SIN3B: variants seen among roughly 807,000 people sequenced by gnomAD.
SIN3B encodes the protein SIN3 transcription regulator family member B, also known as paired amphipathic helix protein Sin3b.
In SIN3B, 19 loss-of-function variants were observed where a neutral mutation model predicts 120.2. The observed-to-expected ratio is 0.16, with a 90% CI of 0.11 to 0.23. SIN3B has a LOEUF of 0.23. Among genes scored for constraint, SIN3B ranks in the 10% least tolerant of loss-of-function variants. SIN3B has a pLI of 1.00. For missense variants in SIN3B, 1,073 were observed against 1,573.0 expected, an observed-to-expected ratio of 0.68 and a Z score of 5.38; for synonymous variants, 654 against 653.2, an observed-to-expected ratio of 1.00 and a Z score of -0.02.
intron 3 of SIN3B, among the ~76,000 whole-genome samples, chr19:16,839,444 G>A (rs1489409825): frequency 6.6e-6 from 1 of 152,164 alleles, no homozygotes; most frequent in East Asian, 1.9e-4. Flanking sequence ...CCAAGCCCTG[G>A]TCTAGAGCGT....
chr19:16,831,490 C>T lies in SIN3B; in HGVS notation c.228-4C>T. Reference sequence around the variant, plus strand: ...CTTTTGCCCACTTCCGTTGTTTCTTCTAGCATCGATACTCCTGGAGTCATC... The same window carrying T: ...CTTTTGCCCACTTCCGTTGTTTCTTTTAGCATCGATACTCCTGGAGTCATC... On this transcript the variant is annotated splice_polypyrimidine_tract_variant and splice_region_variant and intron_variant, in intron 2 of 18. Transcript: ENST00000248054. 6.2e-7 allele frequency: 1 copy of T among 1,613,176 alleles called. No individual in the cohort carries two copies. The highest frequency in any genetic ancestry group is 8.5e-7 in the Non-Finnish European group (1 of 1,179,536).
intron 13 of SIN3B, among the ~76,000 whole-genome samples, 158 bp from the exon 14 acceptor site, chr19:16,871,071 C>T (rs1468641205): frequency 1.3e-5 from 2 of 152,264 alleles, no homozygotes; most frequent in African/African-American, 2.4e-5. Flanking sequence ...ACCAGCTACT[C>T]GGGTTTCCTG....
Position 16,874,296 on chromosome 19 carries a change from AGGTCTGGTCT to A in SIN3B, c.2593-1753_2593-1744del, listed in dbSNP as rs148551324. 5.1e-3 allele frequency among the ~76,000 whole-genome samples: 772 copies of A among 151,826 alleles called. 7 individuals are homozygous for A. The highest frequency in any genetic ancestry group is 0.018 in the African/African-American group (740 of 41,390). On this transcript the variant is annotated intron_variant, in intron 14 of 18. Coordinates refer to ENST00000248054, the MANE Select transcript of SIN3B (RefSeq NM_001297595.2). ...TGGTCTGGCCTGGTCTGTTTTGTTC[AGGTCTGGTCT>A]GGTCTAGTTTTGGTCTGGTCTGGTC...
intron 8 of SIN3B, among the ~76,000 whole-genome samples, chr19:16,861,728 A>G (rs1041153202): frequency 6.2e-5 from 9 of 144,636 alleles, no homozygotes; most frequent in African/African-American, 2.3e-4. Flanking sequence ...GTGCCATTGC[A>G]CCCCAGCCTG....
rs371846558 is a variant in SIN3B, at chr19:16,875,181, TTGGTC to T, written c.2593-851_2593-847del. Among the ~76,000 whole-genome samples, 1,000 of 142,830 alleles carry T rather than the reference TTGGTC, an allele frequency of 7.0e-3. 10 individuals carry two copies. The highest frequency in any genetic ancestry group is 0.015 in the African/African-American group (563 of 37,492). The allele number at this position is 142,830 out of a possible 152,430, so 93.7% of individuals were successfully genotyped here. A position where few individuals can be genotyped will look rare whatever the true frequency, so the allele number is the denominator to read the frequency against. ...TTGGGTCTGGTCTGGTCTGGTCTGT[TTGGTC>T]TGGTCTGGTCTGGTCTGGTCTGTCT... On this transcript the variant is annotated intron_variant, in intron 14 of 18. Transcript: ENST00000248054.
chr19:16,875,828 T>C (rs1252585696), intron 14 of SIN3B: 21 of 562,036 alleles, frequency 3.7e-5, no homozygotes, highest in Non-Finnish European at 6.3e-5. Context: ...CTGGTCTGTT[T>C]GGTTTGGTCT....
rs375746503 is a variant in SIN3B at position 16,832,097 on chromosome 19, G to A, written c.381+450G>A. On this transcript the variant is annotated intron_variant, in intron 3 of 18. Transcript: ENST00000248054. ...GTGAGTAGCCACGTTTATGTTGGCT[G>A]TGTTTCATTTAATTGTTGATAGGAT... Among the ~76,000 whole-genome samples, 27 of 152,064 alleles carry A rather than the reference G, an allele frequency of 1.8e-4. 1 individual carries two copies. Among genetic ancestry groups the A allele is most frequent in the Middle Eastern group, 6.8e-3 (2 of 292 alleles).
At chr19:16,860,027 A>G (rs555594865) in intron 8 of SIN3B, among the ~76,000 whole-genome samples, 86 of 152,346 alleles carry the variant, frequency 5.6e-4, no homozygotes, top group African/African-American at 2.0e-3. Context: ...CTGAAAGGCA[A>G]GGTGCTGAAC....
chr19:16,860,456 T>G (rs529796515), intron 8 of SIN3B, among the ~76,000 whole-genome samples: 144 of 152,188 alleles, frequency 9.5e-4, no homozygotes, highest in Admixed American at 2.1e-3. Context: ...GGGTTTTCCT[T>G]GTGAGCAGGG....
At chr19:16,853,824 G>C (rs559160518) in intron 7 of SIN3B, among the ~76,000 whole-genome samples, 1 of 148,176 alleles carries the variant, frequency 6.7e-6, no homozygotes, top group African/African-American at 2.5e-5. Context: ...GCATGGACGC[G>C]TGCAGGGACT....
At chr19:16,831,210 G>A (rs893151809) in intron 2 of SIN3B, among the ~76,000 whole-genome samples, 2 of 151,910 alleles carry the variant, frequency 1.3e-5, no homozygotes, top group Admixed American at 6.6e-5. Flanking sequence ...CTGCAGGCAC[G>A]CACCACCACT....
chr19:16,853,605 C>T (rs761918386), intron 7 of SIN3B, among the ~76,000 whole-genome samples: 25 of 149,038 alleles, frequency 1.7e-4, no homozygotes, highest in Non-Finnish European at 3.4e-4. Context: ...TGGACACATG[C>T]ATGGACTGTG....
chr19:16,848,689 C>T (rs546672828), intron 5 of SIN3B, among the ~76,000 whole-genome samples: 19 of 152,264 alleles, frequency 1.2e-4, no homozygotes, highest in African/African-American at 4.6e-4. Context: ...TTTGTAGAGA[C>T]AGGGCTTCGC....
intron 11 of SIN3B, 94 bp from the exon 12 acceptor site, chr19:16,866,279 C>G: frequency 7.7e-7 from 1 of 1,295,444 alleles, no homozygotes; most frequent in Non-Finnish European, 1.1e-6. Flanking sequence ...CCTGGACCCC[C>G]AGTCAAGTCC....
At position 16,847,046 on chromosome 19, in the gene SIN3B, T is replaced by C; in HGVS notation, c.659T>C (p.Leu220Pro). 1 of 1,614,130 alleles carries C rather than the reference T, an allele frequency of 6.2e-7. No homozygotes were observed. The highest frequency in any genetic ancestry group is 8.5e-7 in the Non-Finnish European group (1 of 1,179,978). ...EEEVFTEVAN[L>P]FRGQEDLLSE... ...GAGGTGTTCACCGAGGTGGCCAACC[T>C]CTTCCGGGGCCAGGAGGACCTGCTC... The change falls in exon 5 of 19, where the codon CTC becomes CCC. Residue 220 changes from leucine to proline, a missense_variant. Physicochemically the swap from Leu to Pro is moderately conservative, Grantham distance 98 (BLOSUM62 -3). Transcript: ENST00000248054.
intron 8 of SIN3B, among the ~76,000 whole-genome samples, chr19:16,856,740 T>A (rs1428681742): frequency 6.6e-6 from 1 of 152,046 alleles, no homozygotes; most frequent in African/African-American, 2.4e-5. Context: ...CTTGGCTAAT[T>A]TTTGTATTTT....
chr19:16,864,660 G>A (rs905431087), intron 10 of SIN3B, among the ~76,000 whole-genome samples: 1 of 151,338 alleles, frequency 6.6e-6, no homozygotes, highest in Non-Finnish European at 1.5e-5. Context: ...TTAGAGACAG[G>A]GTCTGTATTG....
intron 3 of SIN3B, among the ~76,000 whole-genome samples, chr19:16,832,531 C>T (rs927152248): frequency 1.4e-5 from 2 of 139,400 alleles, no homozygotes; most frequent in African/African-American, 5.4e-5. Flanking sequence ...GACAGGTTCT[C>T]ACTCTGTTGC....
Position 16,871,297 on chromosome 19 carries a change from A to C in SIN3B, c.2491A>C (p.Ile831Leu). 3 of 1,614,202 alleles carry C rather than the reference A, an allele frequency of 1.9e-6. No homozygotes were observed. The highest frequency in any genetic ancestry group is 2.5e-6 in the Non-Finnish European group (3 of 1,180,026). ...GGTGCGGAGCCTGCTGGAGGGCAGC[A>C]TCGACCCCACGCAGTACGAGGACAC... Reference protein sequence around the residue: ...DMVRSLLEGSIDPTQYEDTLR... With the variant: ...DMVRSLLEGSLDPTQYEDTLR... The change falls in exon 14 of 19, where the codon ATC becomes CTC. Residue 831 changes from isoleucine (I) to leucine (L), a missense_variant. Physicochemically the swap from Ile to Leu is conservative, Grantham distance 5 (BLOSUM62 2). Transcript: ENST00000248054.
Sources: allele counts gnomAD v4.1 joint callset (sites outside exome capture counted in the v4.1 genomes callset), GRCh38; gene constraint gnomAD v4.1.1; transcripts MANE v1.5; gene names NCBI Gene and HGNC (gene_info 2026-07-23, HGNC 2026-07-21).